AGO3: variants seen among roughly 807,000 people sequenced by gnomAD.
AGO3 encodes protein argonaute-3.
In AGO3, 16 loss-of-function variants were observed where a neutral mutation model predicts 105.5. The ratio of observed to expected loss-of-function variants is 0.15; its 90% confidence interval spans 0.10 to 0.23. The LOEUF is 0.23. Among genes scored for constraint, AGO3 ranks in the 10% least tolerant of loss-of-function variants. The pLI is 1.00. For synonymous variants in AGO3, 340 were observed against 367.3 expected (o/e 0.93, Z 0.85); for missense variants, 534 against 1,088.0 (o/e 0.49, Z 7.16).
Position 35,931,165 on chromosome 1 carries a change from G to A in AGO3, c.-262G>A. ...GGTGGGAGCGTCGGCGGCCGCGGGC[G>A]ATGCAACTTCCGGACGGGACTCCCC... On this transcript the variant is annotated 5_prime_UTR_variant, in exon 1 of 19. Coordinates refer to ENST00000373191, the MANE Select transcript of AGO3 (RefSeq NM_024852.4). 2 of 398,228 alleles carry A rather than the reference G, an allele frequency of 5.0e-6. No individual in the cohort carries two copies. The highest frequency in any genetic ancestry group is 4.4e-5 in the Admixed American group (1 of 22,668). The allele number at this position is 398,228 out of a possible 1,614,324, so 24.7% of individuals were successfully genotyped here.
chr1:35,947,941 C>G (rs757395766), intron 2 of AGO3, among the ~76,000 whole-genome samples: 3 of 152,132 alleles, frequency 2.0e-5, no homozygotes, highest in Non-Finnish European at 4.4e-5. Flanking sequence ...CCTGTAGTCC[C>G]AGCTACTCTG....
intron 5 of AGO3, chr1:35,984,329 C>T (rs1281364826): frequency 6.6e-6 from 1 of 151,976 alleles, no homozygotes; most frequent in Admixed American, 6.6e-5. Context: ...AGTGAGACCC[C>T]TATCTCTAAA....
rs368190615 is a variant in AGO3, at chr1:36,004,409, A to G, written c.727A>G (p.Asn243Asp). Residue 243 changes from asparagine to aspartate, a missense_variant, in exon 6 of 19, where the codon AAT becomes GAT. By Grantham distance (23) the Asn-to-Asp change is conservative. Around this residue, in one of 2 missense-constraint regions of AGO3, gnomAD observed 373 missense variants for 854.0 expected, o/e 0.44. Coordinates refer to ENST00000373191, the MANE Select transcript of AGO3 (RefSeq NM_024852.4). ...QFMCEVLDIH[N>D]IDEQPRPLTD... ...CATGTGTGAAGTTCTTGATATTCATAATATTGATGAGCAACCAAGACCTCT... is the reference window on the plus strand; with the variant it reads ...CATGTGTGAAGTTCTTGATATTCATGATATTGATGAGCAACCAAGACCTCT... 1 of 1,609,062 alleles carries G rather than the reference A, an allele frequency of 6.2e-7. No homozygotes were observed. Among genetic ancestry groups the G allele is most frequent in the Admixed American group, 1.7e-5 (1 of 59,944 alleles).
intron 5 of AGO3, among the ~76,000 whole-genome samples, chr1:35,997,285 AAAAG>A (rs370797204): frequency 4.8e-4 from 73 of 152,290 alleles, no homozygotes; most frequent in Middle Eastern, 3.4e-3. Context: ...TCTCAGCAAA[AAAAG>A]AAAGAAAGAA....
intron 3 of AGO3, among the ~76,000 whole-genome samples, chr1:35,971,269 C>T (rs1202705664): frequency 2.0e-5 from 3 of 150,286 alleles, no homozygotes; most frequent in Non-Finnish European, 4.4e-5. Flanking sequence ...AAATGATTCT[C>T]GTGCCTCAGC....
At chr1:36,039,676 G>T in intron 14 of AGO3, 114 bp from the exon 15 acceptor site, 1 of 767,444 alleles carries the variant, frequency 1.3e-6, no homozygotes. Context: ...TACTTTCAAA[G>T]TAAACAGTGA....
At chr1:35,995,661 A>C (rs1648259664) in intron 5 of AGO3, among the ~76,000 whole-genome samples, 2 of 152,176 alleles carry the variant, frequency 1.3e-5, no homozygotes, top group South Asian at 4.1e-4. Flanking sequence ...GAAAATATTC[A>C]TGATCTTGGA....
intron 1 of AGO3, among the ~76,000 whole-genome samples, chr1:35,940,954 T>A (rs1646242202): frequency 6.6e-6 from 1 of 152,174 alleles, no homozygotes; most frequent in Non-Finnish European, 1.5e-5. Flanking sequence ...CCAGTGGTTT[T>A]AAATAACACT....
intron 2 of AGO3, among the ~76,000 whole-genome samples, chr1:35,959,371 T>G (rs1382258219): frequency 6.6e-6 from 1 of 152,154 alleles, no homozygotes; most frequent in Non-Finnish European, 1.5e-5. Context: ...TTCTTAAGGA[T>G]TCTTAAATTC....
chr1:36,044,938 T>A (rs1414676948), intron 17 of AGO3, among the ~76,000 whole-genome samples: 1 of 152,154 alleles, frequency 6.6e-6, no homozygotes, highest in Admixed American at 6.5e-5. Flanking sequence ...TACTTGCCAT[T>A]ATTGATTAAG....
At chr1:36,024,429 A>G (rs999141034) in intron 11 of AGO3, among the ~76,000 whole-genome samples, 3 of 151,178 alleles carry the variant, frequency 2.0e-5, no homozygotes, top group Admixed American at 1.3e-4. Context: ...GAGCCACCGC[A>G]CTCTGCCGAC....
At chr1:36,039,523 A>AAG (rs1159160586) in intron 14 of AGO3, among the ~76,000 whole-genome samples, 3 of 149,826 alleles carry the variant, frequency 2.0e-5, no homozygotes, top group Non-Finnish European at 4.4e-5. Context: ...AAAAGAGAGA[A>AAG]AGAGAGAGAG....
At chr1:36,001,679 T>C (rs142521372) in intron 5 of AGO3, among the ~76,000 whole-genome samples, 4 of 152,322 alleles carry the variant, frequency 2.6e-5, no homozygotes, top group East Asian at 3.9e-4. Flanking sequence ...AGAACAGTTA[T>C]CTGATTTCAT....
intron 1 of AGO3, among the ~76,000 whole-genome samples, chr1:35,933,770 A>G (rs1018142056): frequency 2.0e-5 from 3 of 151,286 alleles, no homozygotes; most frequent in African/African-American, 7.3e-5. Flanking sequence ...CAATTCTGCC[A>G]TAAGTTTTTC....
chr1:35,932,428 T>C (rs951249386), intron 1 of AGO3, among the ~76,000 whole-genome samples: 2 of 152,150 alleles, frequency 1.3e-5, no homozygotes, highest in African/African-American at 2.4e-5. Flanking sequence ...CAATTTGATA[T>C]AAGAAAAACT....
chr1:35,996,430 A>C (rs529609065), intron 5 of AGO3, among the ~76,000 whole-genome samples: 1 of 152,142 alleles, frequency 6.6e-6, no homozygotes, highest in Non-Finnish European at 1.5e-5. Flanking sequence ...TACATAACTC[A>C]GTAAGAAATA....
chr1:36,004,517 A>G (rs376651394), intron 6 of AGO3, 42 bp downstream of exon 6: 2 of 1,514,566 alleles, frequency 1.3e-6, no homozygotes, highest in Non-Finnish European at 1.8e-6. Flanking sequence ...TATAAAATGC[A>G]TGGATATAAC....
intron 2 of AGO3, among the ~76,000 whole-genome samples, chr1:35,948,216 A>AT (rs926949293): frequency 0.058 from 7,787 of 135,316 alleles, 284 homozygotes; most frequent in South Asian, 0.09. Context: ...AAGGAACAGA[A>AT]TTTTTTTTTT....
chr1:36,015,976 G>A lies in AGO3; in HGVS notation c.1406+1928G>A, dbSNP rs1046941533. 4.6e-5 allele frequency among the ~76,000 whole-genome samples: 7 copies of A among 152,170 alleles called. No individual in the cohort carries two copies. The South Asian group carries it at 6.2e-4, about 13-fold the overall frequency. ...AGGTTCAGAGAGACTTCCAGCAGCC[G>A]CATGGTTGAAGAAGATTTATGGACA... On this transcript the variant is annotated intron_variant, in intron 11 of 18. Transcript: ENST00000373191.
Sources: gnomAD v4.1 joint callset for allele counts (sites outside exome capture counted in the v4.1 genomes callset) on GRCh38, gnomAD v4.1.1 for gene constraint, gnomAD v4.1.1 regional missense constraint, MANE v1.5 for transcripts, NCBI Gene and HGNC (gene_info 2026-07-23, HGNC 2026-07-21) for gene names.